GRIP2: variants seen among roughly 807,000 people sequenced by gnomAD.
The protein encoded by GRIP2 is glutamate receptor interacting protein 2.
GRIP2 carries 58 observed loss-of-function variants against 108.3 expected under a neutral mutation model. That is an observed-to-expected ratio of 0.54 (90% CI 0.43 to 0.67). GRIP2 has a LOEUF of 0.67. Among genes scored for constraint, GRIP2 ranks in the 30% least tolerant of loss-of-function variants. The pLI is 0.00. For synonymous variants in GRIP2, 586 were observed against 598.2 expected, an observed-to-expected ratio of 0.98 and a Z score of 0.30; for missense variants, 1,278 against 1,430.6, an observed-to-expected ratio of 0.89 and a Z score of 1.72.
At chr3:14,534,004 G>A (rs923407064) in intron 1 of GRIP2, among the ~76,000 whole-genome samples, 3 of 152,202 alleles carry the variant, frequency 2.0e-5, no homozygotes, top group Non-Finnish European at 4.4e-5. Context: ...GGCCTCTTGT[G>A]GAAGTCAAGA....
At chr3:14,541,772 C>A, upstream of GRIP2, 3 of 795,488 alleles carry the variant, frequency 3.8e-6, no homozygotes, top group Non-Finnish European at 3.8e-6. Flanking sequence ...AAGGTCTCAG[C>A]CACAGGGTGG....
At position 14,520,440 on chromosome 3, in the gene GRIP2, G is replaced by T. The variant is rs1163026500; in HGVS notation, c.810C>A (p.Asn270Lys). 1 of 1,613,636 alleles carries T rather than the reference G, an allele frequency of 6.2e-7. No homozygotes were observed. Among genetic ancestry groups the T allele is most frequent in the Non-Finnish European group, 8.5e-7 (1 of 1,179,810 alleles). Residue 270 changes from asparagine to lysine, a missense_variant, in exon 8 of 24, where the codon AAC becomes AAA. Transcript: ENST00000621039. ...TGCGGTCGATGGTAATGACTGACTTGTTCCGGAGGGAGGTGGTGGTGAGCG... is the reference window on the plus strand; with the variant it reads ...TGCGGTCGATGGTAATGACTGACTTTTTCCGGAGGGAGGTGGTGGTGAGCG... ...GISLTTTSLR[N>K]KSVITIDRIK...
intron 7 of GRIP2, chr3:14,520,749 G>C (rs1694385952): frequency 1.7e-6 from 1 of 595,312 alleles, no homozygotes; most frequent in African/African-American, 1.9e-5. Flanking sequence ...AGGAGGGGCA[G>C]GAGCTCAGGT....
chr3:14,520,067 G>T, intron 9 of GRIP2, 43 bp downstream of exon 9: 1 of 1,537,980 alleles, frequency 6.5e-7, no homozygotes, highest in South Asian at 1.2e-5. Context: ...CAGGCCTCAT[G>T]ACTGCCCAGG....
chr3:14,562,731 ACTCCCGAGGCAGACGGTCCTCG>A, the GRIP2 span, among the ~76,000 whole-genome samples: 1 of 32,374 alleles, frequency 3.1e-5, no homozygotes, highest in African/African-American at 1.4e-4. Context: ...CGGTCCTCGG[ACTCCCGAGGCAGACGGTCCTCG>A]GACTCCCGGA....
Position 14,521,617 on chromosome 3 carries a change from C to A in GRIP2, c.712+25G>T. The A allele has an allele frequency of 6.3e-7, 1 of 1,586,862 alleles. No homozygotes were observed. The highest frequency in any genetic ancestry group is 2.3e-5 in the East Asian group (1 of 44,194). On this transcript the variant is annotated intron_variant, in intron 7 of 23. Transcript: ENST00000621039. This position sits in a 1 kb window ranked among gnomAD's most constrained non-coding sequence, Gnocchi z 5.1. The stretch of plus-strand genomic sequence containing the variant: ...ATCCCAGGCCTCCTCCTGCCCCAAC[C>A]CACACACTCAGGCCCCCAACTCACC...
the GRIP2 span, among the ~76,000 whole-genome samples, chr3:14,598,448 C>T: frequency 6.6e-6 from 1 of 151,970 alleles, no homozygotes; most frequent in Non-Finnish European, 1.5e-5. Flanking sequence ...GGACAGATCC[C>T]CACCCCAACC....
intron 1 of GRIP2, among the ~76,000 whole-genome samples, chr3:14,551,540 G>C (rs1377770859): frequency 1.3e-5 from 2 of 152,198 alleles, no homozygotes; most frequent in African/African-American, 4.8e-5. Context: ...GTCCTGTGGG[G>C]AGCGGGGCTC....
At chr3:14,498,582 G>A (rs1029356360) in intron 21 of GRIP2, among the ~76,000 whole-genome samples, 33 of 150,838 alleles carry the variant, frequency 2.2e-4, no homozygotes, top group African/African-American at 6.9e-4. Context: ...CCTTAGAAGT[G>A]ATCTTCACCT....
chr3:14,530,535 C>A (rs569355955), intron 1 of GRIP2, among the ~76,000 whole-genome samples: 4 of 152,260 alleles, frequency 2.6e-5, no homozygotes, highest in African/African-American at 9.6e-5. Flanking sequence ...TCTTTAATTT[C>A]TCCTAAGAAC....
the GRIP2 span, among the ~76,000 whole-genome samples, chr3:14,589,620 T>C: frequency 8.5e-5 from 13 of 152,150 alleles, no homozygotes; most frequent in African/African-American, 2.9e-4. Context: ...GGTTTTTCTC[T>C]AGAATAGATA....
chr3:14,517,309 A>G, intron 10 of GRIP2, 96 bp from the exon 11 acceptor site: 4 of 1,270,576 alleles, frequency 3.1e-6, no homozygotes, highest in Non-Finnish European at 3.2e-6. Flanking sequence ...ACAGGGAGAG[A>G]TGGGGATGCC....
chr3:14,551,506 C>T (rs898915750), intron 1 of GRIP2, among the ~76,000 whole-genome samples: 3 of 152,146 alleles, frequency 2.0e-5, no homozygotes, highest in Non-Finnish European at 4.4e-5. Context: ...GAGGTGACAG[C>T]CAGGCGGAGA....
At chr3:14,579,301 T>G in the GRIP2 span, among the ~76,000 whole-genome samples, 21,083 of 152,248 alleles carry the variant, frequency 0.14, 1,553 homozygotes, top group South Asian at 0.21. Flanking sequence ...ATGTTCTAAT[T>G]GTACCTTGAT....
intron 9 of GRIP2, 82 bp from the exon 10 acceptor site, chr3:14,517,979 G>A: frequency 7.0e-7 from 1 of 1,425,300 alleles, no homozygotes; most frequent in South Asian, 1.5e-5. Context: ...GCAAGAACCA[G>A]AAGATCCTCG....
upstream of GRIP2, chr3:14,541,866 C>T (rs1377798631): frequency 7.6e-7 from 1 of 1,323,698 alleles, no homozygotes; most frequent in Admixed American, 2.1e-5. Flanking sequence ...GACGGGGGTA[C>T]ACGCACTCAA....
the GRIP2 span, among the ~76,000 whole-genome samples, chr3:14,600,067 TA>T: frequency 6.6e-6 from 1 of 152,090 alleles, no homozygotes; most frequent in Non-Finnish European, 1.5e-5. Flanking sequence ...TGGGCAACAG[TA>T]GGCCATGAAT....
At chr3:14,558,028 C>T (rs1327456930), upstream of GRIP2, among the ~76,000 whole-genome samples, 9 of 152,290 alleles carry the variant, frequency 5.9e-5, no homozygotes, top group South Asian at 1.2e-3. Flanking sequence ...GGAGCCCAAC[C>T]CCTTGTGTGT....
intron 13 of GRIP2, among the ~76,000 whole-genome samples, 167 bp from the exon 14 acceptor site, chr3:14,513,024 C>T (rs1056233017): frequency 8.5e-5 from 13 of 152,166 alleles, no homozygotes; most frequent in African/African-American, 3.1e-4. Flanking sequence ...GCAGAGTGAG[C>T]TGACAGATTT....
Sources: allele counts gnomAD v4.1 joint callset (sites outside exome capture counted in the v4.1 genomes callset), GRCh38; gene constraint gnomAD v4.1.1; non-coding constraint Gnocchi (gnomAD v3.1); transcripts MANE v1.5; gene names NCBI Gene and HGNC (gene_info 2026-07-23, HGNC 2026-07-21).